Variants in CYP24A1 observed in about 807,000 individuals in gnomAD.
CYP24A1 encodes the protein 1,25-dihydroxyvitamin D(3) 24-hydroxylase, mitochondrial.
CYP24A1 carries 68 observed loss-of-function variants against 62.4 expected under a neutral mutation model. That is an observed-to-expected ratio of 1.09 (90% confidence interval 0.90 to 1.33). The LOEUF is 1.33. CYP24A1 is among the 40% of genes most tolerant of loss of function. CYP24A1 has a pLI of 0.00. For synonymous variants in CYP24A1, 267 were observed against 253.0 expected (o/e 1.06, Z -0.52); for missense variants, 787 against 653.0 (o/e 1.21, Z -2.24).
At chr20:54,170,770 A>G (rs79000696) in intron 3 of CYP24A1, among the ~76,000 whole-genome samples, 5,459 of 152,198 alleles carry the variant, frequency 0.036, 119 homozygotes, top group Non-Finnish European at 0.041. Context: ...ATTATTTTAT[A>G]TTAGTCATGT....
At chr20:54,151,748 G>A (rs1469421395), downstream of CYP24A1, among the ~76,000 whole-genome samples, 1 of 151,956 alleles carries the variant, frequency 6.6e-6, no homozygotes, top group East Asian at 1.9e-4. Flanking sequence ...ATTTTTAGTA[G>A]AGATGAGCAG....
rs1256040969 is a variant in CYP24A1, at chr20:54,158,956, C to T, written c.1157+1G>A. On this transcript the variant is annotated splice_donor_variant, in intron 8 of 11. Coordinates refer to ENST00000216862, the MANE Select transcript of CYP24A1 (RefSeq NM_000782.5). LOFTEE classifies it high-confidence loss of function. ...ATATTGGCTCAGAGATAGGCTCTTACCTCATAGATTCTTTCAGACAGGCTT... is the reference window on the plus strand; with the variant it reads ...ATATTGGCTCAGAGATAGGCTCTTATCTCATAGATTCTTTCAGACAGGCTT... The T allele has an allele frequency of 3.1e-6, 5 of 1,614,152 alleles. No individual in the cohort carries two copies. Among genetic ancestry groups the T allele is most frequent in the Non-Finnish European group, 4.2e-6 (5 of 1,180,010 alleles).
downstream of CYP24A1, among the ~76,000 whole-genome samples, chr20:54,148,654 C>CA (rs1202029326): frequency 6.6e-6 from 1 of 152,010 alleles, no homozygotes; most frequent in African/African-American, 2.4e-5. Flanking sequence ...AACAAACAAA[C>CA]AAAAAACCAG....
At position 54,158,827 on chromosome 20, in the gene CYP24A1, A is replaced by AT. The variant is rs1470581333; in HGVS notation, c.1157+129dup. 1.9e-5 allele frequency: 29 copies of AT among 1,501,740 alleles called. 1 individual carries two copies. Among genetic ancestry groups the AT allele is most frequent in the Middle Eastern group, 1.8e-4 (1 of 5,622 alleles). 93.0% of individuals were successfully genotyped at this position (1,501,740 alleles called of 1,614,324 possible). A position where few individuals can be genotyped will look rare whatever the true frequency, so the allele number is the denominator to read the frequency against. ...CCAGAAAAGAAATATGGCTCCAAAG[A>AT]TTTTTTTGCAGTGTGATAATTGTTT... is the stretch of plus-strand genomic sequence containing the variant. On this transcript the variant is annotated intron_variant, in intron 8 of 11. Transcript: ENST00000216862.
In CYP24A1 at chr20:54,157,413, A is replaced by G; in HGVS notation, c.1409T>C (p.Leu470Pro). ...RMCIGRRLAE[L>P]QLHLALCWIV... ...CCAACAAAGAGCCAAATGCAGTTGA[A>G]GCTCTGCTAATCGGCGACCAATGCA... is the stretch of plus-strand genomic sequence containing the variant. Residue 470 changes from leucine to proline, a missense_variant, in exon 10 of 12, where the codon CTT becomes CCT. Physicochemically the swap from Leu to Pro is moderately conservative, Grantham distance 98 (BLOSUM62 -3). Transcript: ENST00000216862. 1.3e-6 allele frequency: 2 copies of G among 1,599,366 alleles called. No individual in the cohort carries two copies. Among genetic ancestry groups the G allele is most frequent in the Non-Finnish European group, 1.7e-6 (2 of 1,166,444 alleles).
chr20:54,155,997 G>GT (rs2092626510), intron 11 of CYP24A1, among the ~76,000 whole-genome samples: 1 of 152,184 alleles, frequency 6.6e-6, no homozygotes, highest in South Asian at 2.1e-4. Flanking sequence ...GAGGGAACAT[G>GT]AGAACTCCTC....
Position 54,173,366 on chromosome 20 carries a change from G to C in CYP24A1, c.214C>G (p.Gln72Glu), listed in dbSNP as rs779619887. 3 of 1,602,546 alleles carry C rather than the reference G, an allele frequency of 1.9e-6. No homozygotes were observed. The African/African-American group carries it at 4.0e-5, about 21-fold the overall frequency. Reference protein sequence around the residue: ...TSWPLLGSLLQILWKGGLKKQ... With the variant: ...TSWPLLGSLLEILWKGGLKKQ... ...TTGAGACCCCCTTTCCAGAGAATCT[G>C]CAGCAGGCTGCCCAGCAGTGGCCAG... The change falls in exon 1 of 12, where the codon CAG becomes GAG. Residue 72 changes from glutamine (Q) to glutamate (E), a missense_variant. Transcript: ENST00000216862. The surrounding 1 kb of genome is among the most constrained non-coding windows in gnomAD (Gnocchi z 7.2).
intron 2 of CYP24A1, among the ~76,000 whole-genome samples, chr20:54,172,498 T>C (rs1226965205): frequency 6.6e-6 from 1 of 152,224 alleles, no homozygotes; most frequent in East Asian, 1.9e-4. Flanking sequence ...CCAAAGAGGC[T>C]AACTCCTCGC....
intron 3 of CYP24A1, among the ~76,000 whole-genome samples, chr20:54,171,162 A>G (rs1027724735): frequency 6.6e-6 from 1 of 152,160 alleles, no homozygotes; most frequent in African/African-American, 2.4e-5. Context: ...ACTACTTAAG[A>G]ACTTTACAAT....
intron 9 of CYP24A1, among the ~76,000 whole-genome samples, chr20:54,157,838 T>C (rs2092635057): frequency 6.6e-6 from 1 of 152,226 alleles, no homozygotes; most frequent in South Asian, 2.1e-4. Flanking sequence ...ACAGACGAAG[T>C]TGAGGCTCAC....
chr20:54,156,157 T>C (rs1290139607), intron 11 of CYP24A1, among the ~76,000 whole-genome samples: 1 of 152,238 alleles, frequency 6.6e-6, no homozygotes, highest in Non-Finnish European at 1.5e-5. Flanking sequence ...CGCTTGTTTT[T>C]TATAAAATTT....
At position 54,172,962 on chromosome 20, in the gene CYP24A1, T is replaced by C; in HGVS notation, c.396A>G (p.Lys132=). The change falls in exon 2 of 12, where the codon AAA becomes AAG. Residue 132 remains lysine (K), a synonymous_variant. Transcript: ENST00000216862. ...GGTAGTCGCGATAGGCCTTCCACGGTTTGATCTCCAGCCGCTGCGGGTACG... is the reference window on the plus strand; with the variant it reads ...GGTAGTCGCGATAGGCCTTCCACGGCTTGATCTCCAGCCGCTGCGGGTACG... ...ESAYPQRLEI[K]PWKAYRDYRK... 6.2e-7 allele frequency: 1 copy of C among 1,613,608 alleles called. No homozygotes were observed. The highest frequency in any genetic ancestry group is 8.5e-7 in the Non-Finnish European group (1 of 1,180,024).
rs891526298 is a variant in CYP24A1, at chr20:54,158,164, C to G, written c.1158G>C (p.Arg386Ser). The change falls in exon 9 of 12, where the codon AGG (arginine) becomes AGC (serine). Residue 386 changes from arginine to serine, a missense_variant and splice_region_variant. Arg to Ser is a moderately radical substitution (Grantham distance 110, BLOSUM62 -1). Transcript: ENST00000216862. ...TTGTAAATGGTACACTCGGCGTAAG[C>G]CTGAAAAGATAAAATCAAAGATGTA... Reference protein sequence around the residue: ...YLKACLKESMRLTPSVPFTTR... With the variant: ...YLKACLKESMSLTPSVPFTTR... 2 of 1,613,830 alleles carry G rather than the reference C, an allele frequency of 1.2e-6. No homozygotes were observed. The highest frequency in any genetic ancestry group is 1.1e-5 in the South Asian group (1 of 91,074).
At position 54,165,770 on chromosome 20, in the gene CYP24A1, G is replaced by A. The variant is rs1463225483; in HGVS notation, c.704C>T (p.Ala235Val). ...TTTGATGGCCATGATGAAGTTCACAGCTTCATCCCCTGCATTCTTCTGGAG... is the reference window on the plus strand; with the variant it reads ...TTTGATGGCCATGATGAAGTTCACAACTTCATCCCCTGCATTCTTCTGGAG... ...GLLQKNAGDEAVNFIMAIKTM... is the reference protein window; with the variant it reads ...GLLQKNAGDEVVNFIMAIKTM... The change falls in exon 5 of 12, where the codon GCT becomes GTT. Residue 235 changes from alanine to valine, a missense_variant. Ala to Val is a moderately conservative substitution (Grantham distance 64). Coordinates refer to ENST00000216862, the MANE Select transcript of CYP24A1 (RefSeq NM_000782.5). 13 of 1,526,590 alleles carry A rather than the reference G, an allele frequency of 8.5e-6. No individual in the cohort carries two copies. The highest frequency in any genetic ancestry group is 1.2e-5 in the Non-Finnish European group (13 of 1,099,974). 94.6% of individuals were successfully genotyped at this position (1,526,590 alleles called of 1,614,324 possible).
intron 7 of CYP24A1, among the ~76,000 whole-genome samples, chr20:54,161,514 T>TC (rs2092650171): frequency 6.6e-6 from 1 of 152,008 alleles, no homozygotes; most frequent in African/African-American, 2.4e-5. Flanking sequence ...CCTGGAACAG[T>TC]CCCAGGCATA....
At chr20:54,165,465 G>A (rs1054053830) in intron 5 of CYP24A1, among the ~76,000 whole-genome samples, 2 of 152,136 alleles carry the variant, frequency 1.3e-5, no homozygotes, top group African/African-American at 4.8e-5. Flanking sequence ...TAAACGTAAT[G>A]CACTTAAATG....
At chr20:54,166,672 T>C (rs1305598259) in intron 4 of CYP24A1, among the ~76,000 whole-genome samples, 1 of 152,156 alleles carries the variant, frequency 6.6e-6, no homozygotes, top group Non-Finnish European at 1.5e-5. Context: ...AAAAATCTAC[T>C]GTGTCCCATT....
rs769791940 is a variant in CYP24A1, at chr20:54,172,903, A to T, written c.449+6T>A. 6.2e-7 allele frequency: 1 copy of T among 1,613,298 alleles called. No homozygotes were observed. The highest frequency in any genetic ancestry group is 8.5e-7 in the Non-Finnish European group (1 of 1,179,978). ...CGCATGCCCAGGTCCCTCGGATTGG[A>T]CTCACAGGATCAGCAGCCCGTAGCC... On this transcript the variant is annotated splice_donor_region_variant and intron_variant, in intron 2 of 11. Transcript: ENST00000216862.
intron 7 of CYP24A1, among the ~76,000 whole-genome samples, chr20:54,159,448 G>A (rs1276597664): frequency 6.8e-6 from 1 of 147,668 alleles, no homozygotes; most frequent in African/African-American, 2.5e-5. Flanking sequence ...AGACTGGAGT[G>A]CAGTGGCACT....
Sources: gnomAD v4.1 joint callset for allele counts (sites outside exome capture counted in the v4.1 genomes callset) on GRCh38, gnomAD v4.1.1 for gene constraint, Gnocchi (gnomAD v3.1) non-coding constraint, MANE v1.5 for transcripts, NCBI Gene and HGNC (gene_info 2026-07-23, HGNC 2026-07-21) for gene names.